CSMD3: variants seen among roughly 807,000 people sequenced by gnomAD.
CSMD3 encodes CUB and Sushi multiple domains 3, also known as CUB and sushi domain-containing protein 3.
CSMD3 carries 177 observed loss-of-function variants against 435.2 expected under a neutral mutation model. The ratio of observed to expected loss-of-function variants is 0.41; its 90% CI spans 0.36 to 0.46. The LOEUF (loss-of-function observed/expected upper bound fraction) is 0.46. Among genes scored for constraint, CSMD3 ranks in the 20% least tolerant of loss-of-function variants. The pLI is 0.34. For synonymous variants in CSMD3, 1,656 were observed against 1,520.5 expected, an observed-to-expected ratio of 1.09 and a Z score of -2.07; for missense variants, 4,265 against 4,504.6, an observed-to-expected ratio of 0.95 and a Z score of 1.52.
At chr8:112,285,135 G>A (rs1008905578) in intron 58 of CSMD3, among the ~76,000 whole-genome samples, 1 of 151,854 alleles carries the variant, frequency 6.6e-6, no homozygotes, top group Non-Finnish European at 1.5e-5. Context: ...ACAACTAATA[G>A]TTCTCCTTTT....
At chr8:113,361,307 T>C (rs958696720) in intron 1 of CSMD3, among the ~76,000 whole-genome samples, 1 of 152,188 alleles carries the variant, frequency 6.6e-6, no homozygotes, top group African/African-American at 2.4e-5. Flanking sequence ...GAAAAAGGCT[T>C]GTACCATGAA....
At chr8:112,245,683 A>T (rs1274533749) in intron 64 of CSMD3, among the ~76,000 whole-genome samples, 1 of 152,028 alleles carries the variant, frequency 6.6e-6, no homozygotes, top group East Asian at 1.9e-4. Flanking sequence ...GACTACAGGC[A>T]CCTGCCACCA....
At chr8:112,569,603 T>G (rs1254166171) in intron 24 of CSMD3, among the ~76,000 whole-genome samples, 1 of 152,060 alleles carries the variant, frequency 6.6e-6, no homozygotes. Context: ...AATCAGACAA[T>G]GGCAAGTGTT....
chr8:112,904,365 A>G (rs2082195697), intron 10 of CSMD3, among the ~76,000 whole-genome samples: 1 of 151,494 alleles, frequency 6.6e-6, no homozygotes, highest in South Asian at 2.1e-4. Flanking sequence ...ACTTACTTTA[A>G]AACATCATCT....
At chr8:112,230,003 T>G (rs577558419) in intron 69 of CSMD3, among the ~76,000 whole-genome samples, 1 of 152,164 alleles carries the variant, frequency 6.6e-6, no homozygotes, top group Non-Finnish European at 1.5e-5. Flanking sequence ...TATGTGGATG[T>G]AAGAGGCAAG....
intron 5 of CSMD3, among the ~76,000 whole-genome samples, chr8:113,044,407 AATAG>A (rs562675584): frequency 8.7e-5 from 13 of 149,248 alleles, no homozygotes; most frequent in Middle Eastern, 3.4e-3. Flanking sequence ...CTGTTGAATG[AATAG>A]ATAAAGATTG....
intron 59 of CSMD3, among the ~76,000 whole-genome samples, chr8:112,277,044 C>T (rs1818125565): frequency 6.6e-6 from 1 of 152,092 alleles, no homozygotes; most frequent in Non-Finnish European, 1.5e-5. Flanking sequence ...GCTCTGGAGA[C>T]ATTTTTCCTA....
In CSMD3 at chr8:112,306,140, T is replaced by A. The variant is rs530231442; in HGVS notation, c.7938A>T (p.Thr2646=). 3 of 1,613,530 alleles carry A rather than the reference T, an allele frequency of 1.9e-6. No homozygotes were observed. Among genetic ancestry groups the A allele is most frequent in the Non-Finnish European group, 2.5e-6 (3 of 1,179,722 alleles). The change falls in exon 51 of 71, where the codon ACA becomes ACT. Residue 2646 remains threonine, a synonymous_variant. Coordinates refer to ENST00000297405, the MANE Select transcript of CSMD3 (RefSeq NM_198123.2). ...KAPTNGGILT[T]DYLVGTRVTY... Reference sequence around the variant, plus strand: ...TAACTCGCGTTCCTACCAAATAGTCTGTTGTTAGTATTCCTCCATTTGTTG... The same window carrying A: ...TAACTCGCGTTCCTACCAAATAGTCAGTTGTTAGTATTCCTCCATTTGTTG...
At chr8:112,816,491 G>T (rs2079379184) in intron 12 of CSMD3, among the ~76,000 whole-genome samples, 1 of 152,078 alleles carries the variant, frequency 6.6e-6, no homozygotes, top group African/African-American at 2.4e-5. Flanking sequence ...GCCATATTTA[G>T]TATATGCTCT....
intron 12 of CSMD3, among the ~76,000 whole-genome samples, chr8:112,823,492 C>G (rs1342546845): frequency 6.6e-6 from 1 of 152,132 alleles, no homozygotes; most frequent in Admixed American, 6.5e-5. Context: ...ACTACTTTAG[C>G]TGTGTCCCAG....
At chr8:112,378,764 A>G (rs888831833) in intron 38 of CSMD3, among the ~76,000 whole-genome samples, 2 of 152,164 alleles carry the variant, frequency 1.3e-5, no homozygotes, top group African/African-American at 2.4e-5. Flanking sequence ...GTTAATGGTA[A>G]TTTATTGTAT....
intron 9 of CSMD3, among the ~76,000 whole-genome samples, chr8:112,940,758 A>C (rs1457327570): frequency 6.6e-6 from 1 of 151,834 alleles, no homozygotes; most frequent in Non-Finnish European, 1.5e-5. Flanking sequence ...AGATTTCCTC[A>C]GTGATTATAA....
chr8:113,351,517 G>A (rs1394559637), intron 1 of CSMD3, among the ~76,000 whole-genome samples: 1 of 151,700 alleles, frequency 6.6e-6, no homozygotes, highest in Non-Finnish European at 1.5e-5. Flanking sequence ...GAGAAAAATG[G>A]AGATAGAGTG....
chr8:113,376,410 C>A (rs1002700180), intron 1 of CSMD3, among the ~76,000 whole-genome samples: 2 of 151,856 alleles, frequency 1.3e-5, no homozygotes, highest in Non-Finnish European at 1.5e-5. Context: ...TATTTTGATT[C>A]AAATAATAAT....
intron 12 of CSMD3, among the ~76,000 whole-genome samples, chr8:112,809,057 C>CAA (rs1421098101): frequency 1.3e-5 from 2 of 152,146 alleles, no homozygotes; most frequent in East Asian, 3.9e-4. Flanking sequence ...CATCTGCAAA[C>CAA]AAGCGTGATA....
chr8:112,959,923 T>C (rs2130858318), intron 7 of CSMD3, among the ~76,000 whole-genome samples: 1 of 152,004 alleles, frequency 6.6e-6, no homozygotes, highest in Non-Finnish European at 1.5e-5. Context: ...AGCAGACCTA[T>C]GTTCTGAGTC....
chr8:112,505,776 C>A (rs1260420999), intron 29 of CSMD3, among the ~76,000 whole-genome samples: 1 of 151,812 alleles, frequency 6.6e-6, no homozygotes, highest in Non-Finnish European at 1.5e-5. Context: ...TGCCAATAGT[C>A]CTGTTGTATA....
chr8:113,267,251 C>A (rs2093479129), intron 3 of CSMD3, among the ~76,000 whole-genome samples: 1 of 151,522 alleles, frequency 6.6e-6, no homozygotes, highest in Non-Finnish European at 1.5e-5. Context: ...ACAGAAATTT[C>A]TTTTTACAGA....
chr8:112,598,916 C>G (rs1225867714), intron 22 of CSMD3, among the ~76,000 whole-genome samples: 3 of 151,682 alleles, frequency 2.0e-5, no homozygotes, highest in Non-Finnish European at 3.0e-5. Flanking sequence ...CATAAAAACC[C>G]TAGAAGAAAA....
Sources: gnomAD v4.1 joint callset for allele counts (sites outside exome capture counted in the v4.1 genomes callset) on GRCh38, gnomAD v4.1.1 for gene constraint, MANE v1.5 for transcripts, NCBI Gene and HGNC (gene_info 2026-07-23, HGNC 2026-07-21) for gene names.